The following FRY variants were observed in gnomAD, a reference collection of about 807,000 sequenced individuals.
The protein encoded by FRY is protein furry homolog.
Under a neutral mutation model 348.4 loss-of-function variants are expected in FRY, and 128 were observed. That is an observed-to-expected ratio of 0.37 (90% CI 0.32 to 0.43). FRY has a LOEUF of 0.43. FRY is among the 20% of genes least tolerant of loss of function. The probability of loss-of-function intolerance (pLI) is 1.00; values close to 1 mark genes in which losing one functional copy is unlikely to be tolerated. For synonymous variants in FRY, 1,370 were observed against 1,374.7 expected, an observed-to-expected ratio of 1.00 and a Z score of 0.08; for missense variants, 2,736 against 3,695.2, an observed-to-expected ratio of 0.74 and a Z score of 6.73.
At chr13:32,141,195 A>G (rs754342638) in intron 11 of FRY, among the ~76,000 whole-genome samples, 5 of 152,286 alleles carry the variant, frequency 3.3e-5, no homozygotes, top group African/African-American at 9.6e-5. Flanking sequence ...TATTTATCCA[A>G]CCATTCAATA....
chr13:32,066,196 A>G (rs887413764), intron 1 of FRY, among the ~76,000 whole-genome samples: 1 of 152,168 alleles, frequency 6.6e-6, no homozygotes, highest in East Asian at 1.9e-4. Context: ...ACCTGTAGAA[A>G]CTGGTACAGT....
chr13:32,166,500 C>T (rs1881745685), intron 17 of FRY, among the ~76,000 whole-genome samples: 1 of 152,200 alleles, frequency 6.6e-6, no homozygotes, highest in South Asian at 2.1e-4. Flanking sequence ...ACATCTTTCT[C>T]ATTTAACTCC....
At chr13:32,272,005 A>G (rs1299217241) in intron 55 of FRY, among the ~76,000 whole-genome samples, 1 of 152,194 alleles carries the variant, frequency 6.6e-6, no homozygotes, top group Non-Finnish European at 1.5e-5. Context: ...TGCAATAATA[A>G]TAATAATATA....
At chr13:32,181,537 T>C (rs538838283) in intron 23 of FRY, among the ~76,000 whole-genome samples, 1 of 132,730 alleles carries the variant, frequency 7.5e-6, no homozygotes, top group Non-Finnish European at 1.5e-5. Context: ...GAGGTTGCAG[T>C]GCACTCCAGC....
At chr13:32,279,493 A>G (rs1033603269) in intron 58 of FRY, among the ~76,000 whole-genome samples, 1 of 152,216 alleles carries the variant, frequency 6.6e-6, no homozygotes, top group African/African-American at 2.4e-5. Flanking sequence ...AACAGCAATA[A>G]TAAGCAACTG....
Position 32,171,015 on chromosome 13 carries a change from C to A in FRY, c.1896C>A (p.Leu632=), listed in dbSNP as rs188902083. The A allele has an allele frequency of 1.2e-4, 196 of 1,604,428 alleles. No homozygotes were observed. The African/African-American group carries it at 2.2e-3, about 18-fold the overall frequency. Residue 632 remains leucine (L), a synonymous_variant, in exon 18 of 61, where the codon CTC becomes CTA. Transcript: ENST00000542859. ...KLELIDLLAR[L]SIHMDDELRH... ...TTTTCCTTTATTCGTTTCACAGGCTCTCTATTCATATGGATGATGAATTGC... is the reference window on the plus strand; with the variant it reads ...TTTTCCTTTATTCGTTTCACAGGCTATCTATTCATATGGATGATGAATTGC...
chr13:32,171,829 A>G (rs747336279), intron 18 of FRY, among the ~76,000 whole-genome samples: 1 of 27,198 alleles, frequency 3.7e-5, no homozygotes, highest in Non-Finnish European at 8.1e-5. Flanking sequence ...TGGTTTTTTC[A>G]GAGAAGTATG....
chr13:32,262,493 A>G lies in FRY; in HGVS notation c.7779+18A>G. ...GTTCAAAGGTGAAGAGATTTTAACA[A>G]TGATGATTTGTACTTCCCTTAAAAC... On this transcript the variant is annotated intron_variant, in intron 53 of 60. Transcript: ENST00000542859. 3 of 1,598,770 alleles carry G rather than the reference A, an allele frequency of 1.9e-6. No homozygotes were observed. The highest frequency in any genetic ancestry group is 1.7e-4 in the Middle Eastern group (1 of 6,046).
chr13:32,294,349 A>G lies in FRY; in HGVS notation c.8581-19A>G. ...CCCAGCACCTAAATATAGTTTAAAA[A>G]ACATTTTTTTTTAAATAGCTGCTGA... On this transcript the variant is annotated intron_variant, in intron 59 of 60. Coordinates refer to ENST00000542859, the MANE Select transcript of FRY (RefSeq NM_023037.3). The G allele has an allele frequency of 6.3e-7, 1 of 1,591,856 alleles. No homozygotes were observed. The highest frequency in any genetic ancestry group is 1.3e-5 in the African/African-American group (1 of 74,494).
intron 1 of FRY, among the ~76,000 whole-genome samples, chr13:32,062,183 C>T (rs1034654328): frequency 6.6e-6 from 1 of 150,766 alleles, no homozygotes; most frequent in Non-Finnish European, 1.5e-5. Context: ...TTTTTTTCCT[C>T]CCAAGGAATT....
chr13:32,070,868 C>T (rs1204962778), intron 1 of FRY, among the ~76,000 whole-genome samples: 1 of 152,198 alleles, frequency 6.6e-6, no homozygotes, highest in Non-Finnish European at 1.5e-5. Context: ...GTCTTTAATC[C>T]GTCTGGAATT....
chr13:32,230,104 G>A (rs12583096), intron 40 of FRY, among the ~76,000 whole-genome samples: 7,580 of 152,174 alleles, frequency 0.05, 551 homozygotes, highest in East Asian at 0.26. Flanking sequence ...TGCAGGGTAT[G>A]CAGGTTTGTT....
chr13:32,227,944 G>A lies in FRY; in HGVS notation c.5207-512G>A, dbSNP rs1043711721. On this transcript the variant is annotated intron_variant, in intron 39 of 60. Coordinates refer to ENST00000542859, the MANE Select transcript of FRY (RefSeq NM_023037.3). Reference sequence around the variant, plus strand: ...TTTTTGTATTTTTGGTAGAGACAGGGTTTCACCATGCTAGCCAGGATGGTC... The same window carrying A: ...TTTTTGTATTTTTGGTAGAGACAGGATTTCACCATGCTAGCCAGGATGGTC... 5.9e-5 allele frequency among the ~76,000 whole-genome samples: 9 copies of A among 152,120 alleles called. No individual in the cohort carries two copies. The East Asian group carries it at 7.7e-4, about 13-fold the overall frequency.
chr13:32,192,766 C>G (rs1416655356), intron 28 of FRY, among the ~76,000 whole-genome samples: 1 of 108,316 alleles, frequency 9.2e-6, no homozygotes, highest in Non-Finnish European at 1.8e-5. Flanking sequence ...TTTTTTGAGA[C>G]AGAGCCTCAC....
At chr13:32,210,223 G>A (rs1176919726) in intron 33 of FRY, among the ~76,000 whole-genome samples, 1 of 152,096 alleles carries the variant, frequency 6.6e-6, no homozygotes, top group Non-Finnish European at 1.5e-5. Context: ...ATTTACAGTT[G>A]GTATTTAAAA....
chr13:32,104,235 C>T (rs962373735), intron 3 of FRY, among the ~76,000 whole-genome samples: 3 of 152,140 alleles, frequency 2.0e-5, no homozygotes, highest in African/African-American at 7.2e-5. Context: ...AAAGACATGA[C>T]CTTTGGAATT....
chr13:32,267,930 T>C (rs1299410986), intron 55 of FRY, among the ~76,000 whole-genome samples: 1 of 152,184 alleles, frequency 6.6e-6, no homozygotes, highest in Non-Finnish European at 1.5e-5. Context: ...ATCAGGCCAG[T>C]CTAACTACTG....
chr13:32,151,900 C>T (rs1475483975), intron 14 of FRY, among the ~76,000 whole-genome samples: 2 of 152,026 alleles, frequency 1.3e-5, no homozygotes, highest in Non-Finnish European at 2.9e-5. Flanking sequence ...TATGAAGAAC[C>T]TAAAGAAAAC....
chr13:32,036,474 G>GTT (rs61293477), intron 1 of FRY, among the ~76,000 whole-genome samples: 3 of 148,866 alleles, frequency 2.0e-5, no homozygotes, highest in African/African-American at 7.4e-5. Flanking sequence ...AAATCAGAGG[G>GTT]TTTTTTTTTT....
Sources: allele counts gnomAD v4.1 joint callset (sites outside exome capture counted in the v4.1 genomes callset), GRCh38; gene constraint gnomAD v4.1.1; transcripts MANE v1.5; gene names NCBI Gene and HGNC (gene_info 2026-07-23, HGNC 2026-07-21).